ZDHHC8: variants seen among roughly 807,000 people sequenced by gnomAD.
The protein encoded by ZDHHC8 is palmitoyltransferase ZDHHC8.
A neutral mutation model predicts 61.2 loss-of-function variants in ZDHHC8; 24 were observed. That is an observed-to-expected ratio of 0.39 (90% CI 0.28 to 0.55). The LOEUF (loss-of-function observed/expected upper bound fraction) is 0.55. Ranked by LOEUF, ZDHHC8 falls within the 20% of genes least tolerant of loss-of-function variation. The pLI, the probability that ZDHHC8 is intolerant of heterozygous loss-of-function variation, is 0.60. For missense variants in ZDHHC8, 935 were observed against 1,102.1 expected (o/e 0.85, Z 2.15); for synonymous variants, 523 against 492.5 (o/e 1.06, Z -0.82).
intron 7 of ZDHHC8, 36 bp downstream of exon 7, chr22:20,141,048 G>T: frequency 6.2e-7 from 1 of 1,607,634 alleles, no homozygotes; most frequent in South Asian, 1.1e-5. Flanking sequence ...CTGGCAGTCA[G>T]GCCCTTGGAT....
chr22:20,139,033 C>T (rs1220823089), intron 1 of ZDHHC8, among the ~76,000 whole-genome samples, 161 bp from the exon 2 acceptor site: 1 of 152,202 alleles, frequency 6.6e-6, no homozygotes, highest in Middle Eastern at 3.2e-3. Flanking sequence ...CTCGAAGGAG[C>T]GATGTGGCTG....
chr22:20,144,838 TGAGA>T (rs1012147058), intron 10 of ZDHHC8, among the ~76,000 whole-genome samples: 2 of 152,218 alleles, frequency 1.3e-5, no homozygotes, highest in African/African-American at 2.4e-5. Flanking sequence ...CTCGTTTTCC[TGAGA>T]GAGAGCAGGA....
chr22:20,141,788 G>A (rs767528170), intron 9 of ZDHHC8, among the ~76,000 whole-genome samples: 3 of 152,182 alleles, frequency 2.0e-5, no homozygotes, highest in Non-Finnish European at 4.4e-5. Context: ...AGGGGCTGGC[G>A]TGGGCCATCC....
At chr22:20,132,167 G>C in intron 1 of ZDHHC8, 116 bp downstream of exon 1, 1 of 526,744 alleles carries the variant, frequency 1.9e-6, no homozygotes, top group Non-Finnish European at 2.6e-6. Context: ...GGGCGGGCGG[G>C]GCGCCGGCTG....
Position 20,141,509 on chromosome 22 carries a change from C to T in ZDHHC8, c.1104C>T (p.Pro368=), listed in dbSNP as rs1417367068. Residue 368 remains proline (P), a synonymous_variant, in exon 9 of 11, where the codon CCC becomes CCT. Transcript: ENST00000334554. The stretch of plus-strand genomic sequence containing the variant: ...CTTTCCCCACGGGTCCCAAGGTGCC[C>T]TTCTGTGGACCAGGCGAGCAGGTAA... ...RPAFPTGPKV[P]FCGPGEQVPG... 3.7e-6 allele frequency: 6 copies of T among 1,612,556 alleles called. No individual in the cohort carries two copies. In the African/African-American group the frequency reaches 8.0e-5, roughly 22 times the overall value.
intron 9 of ZDHHC8, among the ~76,000 whole-genome samples, chr22:20,142,390 G>A (rs1162765851): frequency 6.6e-6 from 1 of 152,234 alleles, no homozygotes; most frequent in Non-Finnish European, 1.5e-5. Flanking sequence ...TTCTGGCTTT[G>A]TGGTTCCTGA....
intron 1 of ZDHHC8, among the ~76,000 whole-genome samples, chr22:20,135,753 CAGGTGTCTAT>C (rs1410883338): frequency 6.6e-6 from 1 of 152,226 alleles, no homozygotes; most frequent in Non-Finnish European, 1.5e-5. Context: ...CCCATCTGTC[CAGGTGTCTAT>C]AGGGATTGGA....
chr22:20,147,121 C>T lies in ZDHHC8; in HGVS notation c.*1721C>T. The T allele has an allele frequency of 6.5e-7, 1 of 1,534,816 alleles. No individual in the cohort carries two copies. Among genetic ancestry groups the T allele is most frequent in the Non-Finnish European group, 8.8e-7 (1 of 1,141,440 alleles). On this transcript the variant is annotated 3_prime_UTR_variant, in exon 11 of 11. Transcript: ENST00000334554. ...CCACCTTGGCCGCCCGGAGGACCGCCCACCACTGCGGGCCCCCTGGAGCCA... is the reference window on the plus strand; with the variant it reads ...CCACCTTGGCCGCCCGGAGGACCGCTCACCACTGCGGGCCCCCTGGAGCCA...
intron 1 of ZDHHC8, among the ~76,000 whole-genome samples, chr22:20,133,372 G>C (rs538403648): frequency 3.3e-5 from 5 of 152,244 alleles, no homozygotes; most frequent in Non-Finnish European, 5.9e-5. Flanking sequence ...GTCCTTGGGC[G>C]GGGGGTCTGG....
Position 20,134,202 on chromosome 22 carries a change from G to T in ZDHHC8, c.104+2151G>T, listed in dbSNP as rs886397292. Among the ~76,000 whole-genome samples, 95 of 152,370 alleles carry T rather than the reference G, an allele frequency of 6.2e-4. 1 individual carries two copies. The highest frequency in any genetic ancestry group is 5.9e-5 in the Non-Finnish European group (4 of 68,032). ...GATGGTGGCCTGGGTGCTCACCTGG[G>T]TTTGATGTGCAGTGGCCACCTAGCA... On this transcript the variant is annotated intron_variant, in intron 1 of 10. Coordinates refer to ENST00000334554, the MANE Select transcript of ZDHHC8 (RefSeq NM_013373.4).
In ZDHHC8 at chr22:20,131,880, C is replaced by A. The variant is rs1169980312; in HGVS notation, c.-68C>A. The A allele has an allele frequency of 7.5e-6, 5 of 670,600 alleles. No individual in the cohort carries two copies. The African/African-American group carries it at 8.0e-5, about 11-fold the overall frequency. 41.5% of individuals were successfully genotyped at this position (670,600 alleles called of 1,614,324 possible). On this transcript the variant is annotated 5_prime_UTR_variant, in exon 1 of 11. Coordinates refer to ENST00000334554, the MANE Select transcript of ZDHHC8 (RefSeq NM_013373.4). The stretch of plus-strand genomic sequence containing the variant: ...GCCGCGTCCAGCCCGCCCGCCCGAC[C>A]CCGGCCCGACCCCGGCCGGCCCTGC...
chr22:20,140,461 G>T (rs899633175), intron 5 of ZDHHC8, 156 bp from the exon 6 acceptor site: 2 of 865,456 alleles, frequency 2.3e-6, no homozygotes, highest in African/African-American at 3.4e-5. Flanking sequence ...GTTCAGGCTG[G>T]GTAACCTATG....
chr22:20,137,670 G>T (rs1201953930), intron 1 of ZDHHC8, among the ~76,000 whole-genome samples: 3 of 152,242 alleles, frequency 2.0e-5, no homozygotes, highest in African/African-American at 7.2e-5. Flanking sequence ...AGCTCCACAG[G>T]CCCTGCCTCT....
chr22:20,143,401 A>G lies in ZDHHC8; in HGVS notation c.1771A>G (p.Ser591Gly), dbSNP rs749009296. ...APSSYSLQQA[S>G]VLSEGPRGPA... ...CAGCTCCTACAGCCTGCAGCAGGCC[A>G]GTGTGCTGTCCGAGGGCCCCCGAGG... The change falls in exon 10 of 11, where the codon AGT becomes GGT. Residue 591 changes from serine to glycine, a missense_variant. Transcript: ENST00000334554. The G allele has an allele frequency of 3.9e-5, 62 of 1,589,350 alleles. No homozygotes were observed. The highest frequency in any genetic ancestry group is 5.2e-5 in the Non-Finnish European group (61 of 1,172,426).
rs1421929155 is a variant in ZDHHC8 at position 20,147,100 on chromosome 22, C to G, written c.*1700C>G. 5.9e-6 allele frequency: 9 copies of G among 1,531,810 alleles called. No individual in the cohort carries two copies. Among genetic ancestry groups the G allele is most frequent in the Admixed American group, 2.0e-5 (1 of 49,136 alleles). 94.9% of individuals were successfully genotyped at this position (1,531,810 alleles called of 1,614,324 possible). On this transcript the variant is annotated 3_prime_UTR_variant, in exon 11 of 11. Coordinates refer to ENST00000334554, the MANE Select transcript of ZDHHC8 (RefSeq NM_013373.4). ...GCCTCCTGGGCTGCACCTGTGCCAC[C>G]TTGGCCGCCCGGAGGACCGCCCACC...
At position 20,146,270 on chromosome 22, in the gene ZDHHC8, G is replaced by A. The variant is rs1374216710; in HGVS notation, c.*870G>A. On this transcript the variant is annotated 3_prime_UTR_variant, in exon 11 of 11. Transcript: ENST00000334554. Reference sequence around the variant, plus strand: ...CCCCACCCCAAGGCATGCCACGTCCGCAGCCCCGGCCTGGCTGCGGTGCTC... The same window carrying A: ...CCCCACCCCAAGGCATGCCACGTCCACAGCCCCGGCCTGGCTGCGGTGCTC... 21 of 985,460 alleles carry A rather than the reference G, an allele frequency of 2.1e-5. No individual in the cohort carries two copies. In the South Asian group the frequency reaches 5.6e-4, roughly 26 times the overall value. 61.0% of individuals were successfully genotyped at this position (985,460 alleles called of 1,614,324 possible).
chr22:20,143,196 C>T lies in ZDHHC8; in HGVS notation c.1566C>T (p.Pro522=), dbSNP rs771798797. 3 of 1,609,472 alleles carry T rather than the reference C, an allele frequency of 1.9e-6. No individual in the cohort carries two copies. The highest frequency in any genetic ancestry group is 1.3e-5 in the African/African-American group (1 of 75,042). Residue 522 remains proline (P), a synonymous_variant, in exon 10 of 11, where the codon CCC becomes CCT. Coordinates refer to ENST00000334554, the MANE Select transcript of ZDHHC8 (RefSeq NM_013373.4). ...GATGDPPRPL[P]RSFSPVLGPR... ...CGGGCGACCCGCCACGGCCCCTACC[C>T]CGCAGCTTCAGCCCCGTGCTGGGCC...
At chr22:20,140,046 C>T in intron 4 of ZDHHC8, 69 bp from the exon 5 acceptor site, 1 of 1,594,346 alleles carries the variant, frequency 6.3e-7, no homozygotes. Context: ...TGTCCACAGG[C>T]ACCTGCTCTG....
chr22:20,139,570 G>C lies in ZDHHC8; in HGVS notation c.319G>C (p.Ala107Pro), dbSNP rs200765007. ...TATCCAGGTCCGCATGAAGTGGTGT[G>C]CCACGTGCCACTTCTACCGCCCGCC... ...RGIQVRMKWC[A>P]TCHFYRPPRC... Residue 107 changes from alanine to proline, a missense_variant, in exon 3 of 11, where the codon GCC becomes CCC. Coordinates refer to ENST00000334554, the MANE Select transcript of ZDHHC8 (RefSeq NM_013373.4). 11 of 1,613,122 alleles carry C rather than the reference G, an allele frequency of 6.8e-6. No homozygotes were observed. The highest frequency in any genetic ancestry group is 1.7e-5 in the Admixed American group (1 of 59,990).
Sources: gnomAD v4.1 joint callset for allele counts (sites outside exome capture counted in the v4.1 genomes callset) on GRCh38, gnomAD v4.1.1 for gene constraint, MANE v1.5 for transcripts, NCBI Gene and HGNC (gene_info 2026-07-23, HGNC 2026-07-21) for gene names.